PRKCB: variants seen among roughly 807,000 people sequenced by gnomAD.
The protein encoded by PRKCB is protein kinase C beta type.
Under a neutral mutation model 81.5 loss-of-function variants are expected in PRKCB, and 13 were observed. That is an observed-to-expected ratio of 0.16 (90% CI 0.10 to 0.25). The LOEUF (loss-of-function observed/expected upper bound fraction) is 0.25, where lower values mean the gene tolerates loss of function less well. Ranked by LOEUF, PRKCB falls within the 10% of genes least tolerant of loss-of-function variation. The pLI is 1.00. For synonymous variants in PRKCB, 335 were observed against 321.4 expected, an observed-to-expected ratio of 1.04 and a Z score of -0.45; for missense variants, 509 against 875.7, an observed-to-expected ratio of 0.58 and a Z score of 5.29.
At chr16:23,836,959 G>A (rs541810575) in intron 1 of PRKCB, among the ~76,000 whole-genome samples, 1 of 151,956 alleles carries the variant, frequency 6.6e-6, no homozygotes, top group South Asian at 2.1e-4. Context: ...CTCCAGTAGT[G>A]GGGCATCCTT....
chr16:24,197,297 A>G (rs965985307), intron 16 of PRKCB, among the ~76,000 whole-genome samples: 1 of 152,118 alleles, frequency 6.6e-6, no homozygotes, highest in Non-Finnish European at 1.5e-5. Flanking sequence ...TGTCCTTATG[A>G]TAGAGTAGGT....
chr16:23,840,877 C>A (rs1444911938), intron 2 of PRKCB, among the ~76,000 whole-genome samples: 2 of 152,114 alleles, frequency 1.3e-5, no homozygotes, highest in Non-Finnish European at 2.9e-5. Flanking sequence ...TTGACTGCCT[C>A]ATAATTTCTC....
intron 2 of PRKCB, among the ~76,000 whole-genome samples, chr16:23,964,534 C>G (rs1029738103): frequency 6.6e-6 from 1 of 152,150 alleles, no homozygotes; most frequent in African/African-American, 2.4e-5. Flanking sequence ...ATGTTTGGAA[C>G]TTTTTATTTA....
At chr16:23,990,968 C>A (rs1158887704) in intron 3 of PRKCB, among the ~76,000 whole-genome samples, 1 of 152,190 alleles carries the variant, frequency 6.6e-6, no homozygotes, top group African/African-American at 2.4e-5. Flanking sequence ...AGCCATCACC[C>A]CTAGTTCTCT....
At chr16:23,860,270 T>C (rs541598290) in intron 2 of PRKCB, among the ~76,000 whole-genome samples, 4 of 152,256 alleles carry the variant, frequency 2.6e-5, no homozygotes, top group South Asian at 2.1e-4. Context: ...TTGTCACCTA[T>C]TGAGGGAGTC....
intron 2 of PRKCB, among the ~76,000 whole-genome samples, chr16:23,945,952 G>A (rs1447996673): frequency 2.6e-5 from 4 of 152,086 alleles, no homozygotes; most frequent in African/African-American, 7.2e-5. Flanking sequence ...ATTGGGCAAC[G>A]ACTAATAGCA....
intron 2 of PRKCB, among the ~76,000 whole-genome samples, chr16:23,876,613 T>C (rs1461672513): frequency 3.3e-5 from 5 of 152,108 alleles, no homozygotes; most frequent in Non-Finnish European, 7.4e-5. Context: ...CGTACCTCTC[T>C]GCGTTTCTCT....
chr16:24,118,035 C>T (rs1966755570), intron 8 of PRKCB, among the ~76,000 whole-genome samples: 1 of 152,224 alleles, frequency 6.6e-6, no homozygotes, highest in African/African-American at 2.4e-5. Context: ...GTTAGCAGCC[C>T]TAGGTGTAGA....
chr16:23,959,230 G>A (rs1052855632), intron 2 of PRKCB, among the ~76,000 whole-genome samples: 9 of 152,160 alleles, frequency 5.9e-5, no homozygotes, highest in African/African-American at 1.9e-4. Flanking sequence ...CCTGCTGTGC[G>A]CCGAGCTGTA....
chr16:23,913,621 C>T (rs552169196), intron 2 of PRKCB, among the ~76,000 whole-genome samples: 4 of 152,298 alleles, frequency 2.6e-5, no homozygotes, highest in Admixed American at 1.3e-4. Flanking sequence ...GCCTTGAAAG[C>T]TTGAGTCTGA....
intron 2 of PRKCB, among the ~76,000 whole-genome samples, chr16:23,883,786 G>T (rs1963158959): frequency 6.6e-6 from 1 of 152,136 alleles, no homozygotes. Flanking sequence ...TGACGTCTTT[G>T]AACTTCGTAG....
At chr16:24,184,323 C>T (rs1330535311) in intron 13 of PRKCB, among the ~76,000 whole-genome samples, 1 of 151,940 alleles carries the variant, frequency 6.6e-6, no homozygotes, top group Non-Finnish European at 1.5e-5. Context: ...TGGTGGTGAG[C>T]ACCTGTAGTC....
intron 5 of PRKCB, among the ~76,000 whole-genome samples, chr16:24,040,634 C>T (rs1162430533): frequency 6.6e-6 from 1 of 152,184 alleles, no homozygotes; most frequent in Non-Finnish European, 1.5e-5. Context: ...TTTATGGGCT[C>T]AATGGCTGTA....
chr16:23,844,739 C>A (rs932605093), intron 2 of PRKCB, among the ~76,000 whole-genome samples: 1 of 151,668 alleles, frequency 6.6e-6, no homozygotes, highest in Non-Finnish European at 1.5e-5. Context: ...GATCTCCTGA[C>A]ATTGTGATCC....
At chr16:24,160,196 T>G (rs1019433994) in intron 10 of PRKCB, among the ~76,000 whole-genome samples, 3 of 146,150 alleles carry the variant, frequency 2.1e-5, no homozygotes, top group South Asian at 2.1e-4. Flanking sequence ...GGGTGTTTTT[T>G]TTTTTTTTTT....
chr16:24,197,320 G>A (rs1224514247), intron 16 of PRKCB, among the ~76,000 whole-genome samples: 6 of 152,106 alleles, frequency 3.9e-5, no homozygotes, highest in Non-Finnish European at 8.8e-5. Context: ...AGAAAATGAC[G>A]TTTCAGCAAA....
At chr16:24,006,198 C>T (rs139411350) in intron 3 of PRKCB, among the ~76,000 whole-genome samples, 8 of 152,330 alleles carry the variant, frequency 5.3e-5, no homozygotes, top group South Asian at 2.1e-4. Flanking sequence ...CAGAAGTTCT[C>T]GTGGGCGATA....
intron 5 of PRKCB, among the ~76,000 whole-genome samples, chr16:24,082,759 A>T (rs965294525): frequency 6.6e-6 from 1 of 152,158 alleles, no homozygotes; most frequent in African/African-American, 2.4e-5. Context: ...CAGAAAACAC[A>T]GGAGAAAATC....
At chr16:23,891,366 T>C (rs1305129279) in intron 2 of PRKCB, among the ~76,000 whole-genome samples, 1 of 152,174 alleles carries the variant, frequency 6.6e-6, no homozygotes, top group African/African-American at 2.4e-5. Context: ...GATATTCTTA[T>C]GTTTTTACAA....
Sources: allele counts gnomAD v4.1 joint callset (sites outside exome capture counted in the v4.1 genomes callset), GRCh38; gene constraint gnomAD v4.1.1; transcripts MANE v1.5; gene names NCBI Gene and HGNC (gene_info 2026-07-23, HGNC 2026-07-21).